The following PLD5 variants were observed in gnomAD, a reference collection of about 807,000 sequenced individuals.
PLD5 encodes the protein phospholipase D family member 5, also known as inactive phospholipase D5.
A neutral mutation model predicts 61.1 loss-of-function variants in PLD5; 36 were observed. That is an observed-to-expected ratio of 0.59 (90% CI 0.45 to 0.78). The LOEUF (loss-of-function observed/expected upper bound fraction) is 0.78, where lower values mean the gene tolerates loss of function less well. PLD5 is among the 30% of genes least tolerant of loss of function. The pLI is 0.00. For synonymous variants in PLD5, 243 were observed against 242.8 expected (o/e 1.00, Z -0.01); for missense variants, 515 against 644.4 (o/e 0.80, Z 2.17).
Position 242,343,046 on chromosome 1 carries a change from T to C in PLD5, c.326+5060A>G, listed in dbSNP as rs34039897. Among the ~76,000 whole-genome samples the C allele has an allele frequency of 4.9e-3, 743 of 152,220 alleles. 4 individuals carry two copies. The highest frequency in any genetic ancestry group is 5.9e-3 in the Non-Finnish European group (399 of 68,016). On this transcript the variant is annotated intron_variant, in intron 2 of 9. Coordinates refer to ENST00000536534, the MANE Select transcript of PLD5 (RefSeq NM_001372062.1). ...ATTGAGTGGGCAGAATGAATCAGAA[T>C]GGGAATCTTATTAGAGGATAGAGAG...
At chr1:242,481,095 G>A (rs112764984) in intron 1 of PLD5, among the ~76,000 whole-genome samples, 6,587 of 152,164 alleles carry the variant, frequency 0.043, 227 homozygotes, top group Middle Eastern at 0.061. Context: ...CAAGATGGCC[G>A]AATAGGAACT....
At chr1:242,218,913 G>A (rs12128134) in intron 5 of PLD5, among the ~76,000 whole-genome samples, 8 of 152,028 alleles carry the variant, frequency 5.3e-5, no homozygotes, top group African/African-American at 1.2e-4. Context: ...CTTTACATGC[G>A]TAGAAAAATG....
rs577316023 is a variant in PLD5 at position 242,359,318 on chromosome 1, A to G, written c.190-11076T>C. On this transcript the variant is annotated intron_variant, in intron 1 of 9. Coordinates refer to ENST00000536534, the MANE Select transcript of PLD5 (RefSeq NM_001372062.1). ...CCTCTCTTTTTTGACTGTAGAAACC[A>G]TGAGCCCTGGGGAATCCTGTGTGGT... is the stretch of plus-strand genomic sequence containing the variant. 2.0e-5 allele frequency among the ~76,000 whole-genome samples: 3 copies of G among 152,286 alleles called. No homozygotes were observed. In the South Asian group the frequency reaches 6.2e-4, roughly 32 times the overall value.
At chr1:242,253,305 C>CA (rs1672817885) in intron 4 of PLD5, among the ~76,000 whole-genome samples, 2 of 70,680 alleles carry the variant, frequency 2.8e-5, no homozygotes, top group Non-Finnish European at 5.2e-5. Flanking sequence ...CCTCTCTTCA[C>CA]TTTTTTTTTT....
chr1:242,232,155 A>T (rs1212113473), intron 4 of PLD5, among the ~76,000 whole-genome samples: 1 of 152,170 alleles, frequency 6.6e-6, no homozygotes, highest in Admixed American at 6.5e-5. Context: ...AAAGTTTAAA[A>T]AGGCCCACAC....
intron 1 of PLD5, among the ~76,000 whole-genome samples, chr1:242,487,413 G>C (rs906381361): frequency 6.6e-6 from 1 of 152,148 alleles, no homozygotes; most frequent in Non-Finnish European, 1.5e-5. Flanking sequence ...CATAGATATA[G>C]AAACAAAACA....
chr1:242,254,720 C>T (rs1258463251), intron 4 of PLD5, among the ~76,000 whole-genome samples: 1 of 152,138 alleles, frequency 6.6e-6, no homozygotes, highest in East Asian at 1.9e-4. Context: ...AAAGTGCCGG[C>T]CTATGGTTAC....
chr1:242,099,711 G>C (rs983464145), intron 9 of PLD5, among the ~76,000 whole-genome samples: 2 of 152,154 alleles, frequency 1.3e-5, no homozygotes, highest in Non-Finnish European at 2.9e-5. Flanking sequence ...GTTGCGAAGA[G>C]AAATGAATCA....
intron 5 of PLD5, chr1:242,203,757 A>G (rs554019664): frequency 6.6e-6 from 1 of 151,860 alleles, no homozygotes; most frequent in African/African-American, 2.4e-5. Flanking sequence ...AGCCAATTAA[A>G]CCTCTTTTCT....
intron 3 of PLD5, among the ~76,000 whole-genome samples, chr1:242,268,343 T>G (rs1673837544): frequency 6.6e-6 from 1 of 152,216 alleles, no homozygotes; most frequent in African/African-American, 2.4e-5. Flanking sequence ...GGGCCAGTAT[T>G]TTTTGGCAAA....
intron 4 of PLD5, among the ~76,000 whole-genome samples, chr1:242,225,764 T>C (rs894798800): frequency 6.6e-6 from 1 of 152,276 alleles, no homozygotes; most frequent in African/African-American, 2.4e-5. Flanking sequence ...CACAGTTTGC[T>C]TATCCATTCT....
At chr1:242,360,297 TA>T (rs1660995218) in intron 1 of PLD5, among the ~76,000 whole-genome samples, 3 of 152,264 alleles carry the variant, frequency 2.0e-5, no homozygotes, top group Admixed American at 2.0e-4. Context: ...TTGTGAACAT[TA>T]AAAGGATCAT....
intron 2 of PLD5, among the ~76,000 whole-genome samples, chr1:242,323,194 G>A (rs529190136): frequency 6.6e-6 from 1 of 151,858 alleles, no homozygotes; most frequent in Non-Finnish European, 1.5e-5. Flanking sequence ...TGAAAATAGA[G>A]ACAAGGGGAA....
intron 1 of PLD5, among the ~76,000 whole-genome samples, chr1:242,387,561 G>T (rs1662666055): frequency 6.6e-6 from 1 of 151,356 alleles, no homozygotes; most frequent in Admixed American, 6.6e-5. Flanking sequence ...TTCTTTGGCT[G>T]GTGATATGTA....
At chr1:242,295,524 T>C (rs1574683214) in intron 2 of PLD5, among the ~76,000 whole-genome samples, 1 of 152,362 alleles carries the variant, frequency 6.6e-6, no homozygotes, top group East Asian at 1.9e-4. Flanking sequence ...TACCACATTT[T>C]CTTTATCCAG....
chr1:242,153,923 A>G (rs917501925), intron 5 of PLD5, among the ~76,000 whole-genome samples: 3 of 152,156 alleles, frequency 2.0e-5, no homozygotes, highest in African/African-American at 4.8e-5. Flanking sequence ...CATTGAATCT[A>G]TAAATTACTT....
intron 1 of PLD5, among the ~76,000 whole-genome samples, chr1:242,409,825 G>A (rs926853723): frequency 6.6e-6 from 1 of 152,192 alleles, no homozygotes; most frequent in African/African-American, 2.4e-5. Flanking sequence ...CTGGGGATAT[G>A]TGGGGGCGCC....
intron 2 of PLD5, among the ~76,000 whole-genome samples, chr1:242,303,431 AT>A (rs1264326610): frequency 1.3e-5 from 2 of 152,254 alleles, no homozygotes; most frequent in African/African-American, 2.4e-5. Context: ...CTAGAGAATC[AT>A]TTTTATTTCA....
chr1:242,507,946 T>A (rs1409548111), intron 1 of PLD5, among the ~76,000 whole-genome samples: 1 of 152,116 alleles, frequency 6.6e-6, no homozygotes, highest in African/African-American at 2.4e-5. Context: ...ACGGATGATA[T>A]TAAGTTTGCC....
Sources: gnomAD v4.1 joint callset for allele counts (sites outside exome capture counted in the v4.1 genomes callset) on GRCh38, gnomAD v4.1.1 for gene constraint, MANE v1.5 for transcripts, NCBI Gene and HGNC (gene_info 2026-07-23, HGNC 2026-07-21) for gene names.